Variants in ALK observed in about 807,000 individuals in gnomAD.
The protein encoded by ALK is ALK tyrosine kinase receptor.
Under a neutral mutation model 163.1 loss-of-function variants are expected in ALK, and 74 were observed. That is an observed-to-expected ratio of 0.45 (90% CI 0.38 to 0.55). The LOEUF is 0.55. ALK is among the 20% of genes least tolerant of loss of function. The pLI, the probability that ALK is intolerant of heterozygous loss-of-function variation, is 0.00. For missense variants in ALK, 2,063 were observed against 2,105.3 expected (o/e 0.98, Z 0.39); for synonymous variants, 960 against 843.2 (o/e 1.14, Z -2.40).
chr2:29,781,175 C>T (rs950158982), intron 1 of ALK, among the ~76,000 whole-genome samples: 1 of 152,224 alleles, frequency 6.6e-6, no homozygotes, highest in African/African-American at 2.4e-5. Flanking sequence ...CACTTACTAT[C>T]CAGACAGAGC....
At chr2:29,268,189 C>A (rs986607454) in intron 11 of ALK, among the ~76,000 whole-genome samples, 6 of 152,198 alleles carry the variant, frequency 3.9e-5, no homozygotes, top group Non-Finnish European at 8.8e-5. Flanking sequence ...GTTCATGAGG[C>A]ATCTTTGAGT....
chr2:29,425,975 G>A (rs577330200), intron 4 of ALK, among the ~76,000 whole-genome samples: 1 of 152,240 alleles, frequency 6.6e-6, no homozygotes, highest in East Asian at 1.9e-4. Flanking sequence ...TTCAAAGAGT[G>A]GCCTCAAAAA....
chr2:29,725,547 A>G (rs1679546610), intron 1 of ALK, among the ~76,000 whole-genome samples: 1 of 152,170 alleles, frequency 6.6e-6, no homozygotes, highest in African/African-American at 2.4e-5. Context: ...AGGCCATTCA[A>G]CAAACATGTT....
chr2:29,737,653 G>A (rs538230086), intron 1 of ALK, among the ~76,000 whole-genome samples: 1 of 152,144 alleles, frequency 6.6e-6, no homozygotes, highest in Non-Finnish European at 1.5e-5. Flanking sequence ...TGGCAAACTA[G>A]GGAATCCAGA....
rs185825665 is a variant in ALK, at chr2:29,728,384, G to A, written c.668-10687C>T. On this transcript the variant is annotated intron_variant, in intron 1 of 28. Transcript: ENST00000389048. ...ACTTCCTGAGTATCTCCTATGTGCC[G>A]AGCTCTGCCCTTGGCAGTTGGGCTG... 2.7e-3 allele frequency among the ~76,000 whole-genome samples: 406 copies of A among 152,280 alleles called. 2 individuals carry two copies. The highest frequency in any genetic ancestry group is 3.8e-3 in the African/African-American group (157 of 41,550).
intron 4 of ALK, among the ~76,000 whole-genome samples, chr2:29,450,092 A>C (rs1670784202): frequency 6.6e-6 from 1 of 152,080 alleles, no homozygotes; most frequent in Non-Finnish European, 1.5e-5. Flanking sequence ...TCCCTCCTTG[A>C]CAGTAGGGCT....
At chr2:29,554,050 A>C (rs958229695) in intron 3 of ALK, among the ~76,000 whole-genome samples, 1 of 152,202 alleles carries the variant, frequency 6.6e-6, no homozygotes, top group African/African-American at 2.4e-5. Context: ...ATTTTATGCT[A>C]TCAAATCTTA....
rs1039250181 is a variant in ALK, at chr2:29,820,007, G to A, written c.667+99986C>T. Among the ~76,000 whole-genome samples the A allele has an allele frequency of 1.1e-4, 16 of 152,318 alleles. No homozygotes were observed. In the East Asian group the frequency reaches 1.7e-3, roughly 17 times the overall value. On this transcript the variant is annotated intron_variant, in intron 1 of 28. Coordinates refer to ENST00000389048, the MANE Select transcript of ALK (RefSeq NM_004304.5). ...ACTGGGGTGCCTTGGGTAACAGAGC[G>A]TGATGGTTTTTAAATACATCCACAG...
chr2:29,855,116 G>T (rs1666105822), intron 1 of ALK, among the ~76,000 whole-genome samples: 2 of 152,168 alleles, frequency 1.3e-5, no homozygotes, highest in Non-Finnish European at 2.9e-5. Context: ...CTGGTGCATG[G>T]CATGGACCTG....
chr2:29,637,704 G>A (rs1457293741), intron 3 of ALK, among the ~76,000 whole-genome samples: 16 of 13,592 alleles, frequency 1.2e-3, no homozygotes, highest in Admixed American at 6.8e-3. Context: ...GCAAGACTCC[G>A]TCTCCAAAAA....
At chr2:29,253,612 G>A (rs1387371640) in intron 11 of ALK, among the ~76,000 whole-genome samples, 1 of 152,098 alleles carries the variant, frequency 6.6e-6, no homozygotes, top group East Asian at 1.9e-4. Context: ...TTTAAAGTCA[G>A]TGGGTTGGGG....
chr2:29,540,774 T>G (rs1375398697), intron 3 of ALK, among the ~76,000 whole-genome samples: 2 of 152,192 alleles, frequency 1.3e-5, no homozygotes. Context: ...AACTTGAAAT[T>G]ATTAGAAATT....
chr2:29,464,470 C>T (rs1280600985), intron 4 of ALK, among the ~76,000 whole-genome samples: 2 of 152,050 alleles, frequency 1.3e-5, no homozygotes, highest in Non-Finnish European at 2.9e-5. Flanking sequence ...TGTTCAAACA[C>T]AAATTTATTT....
At chr2:29,342,365 T>C (rs79145988) in intron 5 of ALK, among the ~76,000 whole-genome samples, 4,220 of 152,310 alleles carry the variant, frequency 0.028, 192 homozygotes, top group African/African-American at 0.096. Context: ...AAATGTGCCA[T>C]TTCACTTACA....
At chr2:29,840,096 C>T (rs1181004049) in intron 1 of ALK, among the ~76,000 whole-genome samples, 3 of 152,164 alleles carry the variant, frequency 2.0e-5, no homozygotes, top group Admixed American at 6.5e-5. Context: ...TTAACTGCTA[C>T]GTTATACCGC....
intron 3 of ALK, among the ~76,000 whole-genome samples, chr2:29,656,443 C>A (rs1677187578): frequency 6.6e-6 from 1 of 152,188 alleles, no homozygotes; most frequent in African/African-American, 2.4e-5. Context: ...ATACATATTT[C>A]TTCCCACAGG....
chr2:29,245,431 T>C (rs1383878508), intron 12 of ALK, among the ~76,000 whole-genome samples: 1 of 139,192 alleles, frequency 7.2e-6, no homozygotes, highest in Non-Finnish European at 1.5e-5. Context: ...AGGGGCTCCA[T>C]GGCTCAGTGC....
At chr2:29,275,002 T>C (rs1573183289) in intron 11 of ALK, 97 bp downstream of exon 11, 1 of 1,518,498 alleles carries the variant, frequency 6.6e-7, no homozygotes, top group East Asian at 2.3e-5. Context: ...GTTTCATTCT[T>C]TCAGCACAGC....
chr2:29,843,293 C>T (rs1665749072), intron 1 of ALK, among the ~76,000 whole-genome samples: 1 of 152,024 alleles, frequency 6.6e-6, no homozygotes, highest in Non-Finnish European at 1.5e-5. Context: ...TTTACACCTA[C>T]TCCCACATAC....
Sources: gnomAD v4.1 joint callset for allele counts (sites outside exome capture counted in the v4.1 genomes callset) on GRCh38, gnomAD v4.1.1 for gene constraint, MANE v1.5 for transcripts, NCBI Gene and HGNC (gene_info 2026-07-23, HGNC 2026-07-21) for gene names.